STK10: variants seen among roughly 807,000 people sequenced by gnomAD.
STK10 encodes serine/threonine-protein kinase 10.
Under a neutral mutation model 113.8 loss-of-function variants are expected in STK10, and 78 were observed. That is an observed-to-expected ratio of 0.69 (90% CI 0.57 to 0.83). The LOEUF (loss-of-function observed/expected upper bound fraction) is 0.83. Among genes scored for constraint, STK10 ranks in the 40% least tolerant of loss-of-function variants. The pLI is 0.00. For missense variants in STK10, 1,109 were observed against 1,280.1 expected (o/e 0.87, Z 2.04); for synonymous variants, 465 against 494.7 (o/e 0.94, Z 0.80).
Position 172,054,565 on chromosome 5 carries a change from G to C in STK10, c.2652+4C>G, listed in dbSNP as rs777069909. 6 of 1,604,248 alleles carry C rather than the reference G, an allele frequency of 3.7e-6. No homozygotes were observed. The Admixed American group carries it at 1.0e-4, about 27-fold the overall frequency. The stretch of plus-strand genomic sequence containing the variant: ...GGCAGGGGCAGGGGCAGGCAGGGCG[G>C]TACCTGCAGCTGCTGCAGCTCGCTC... On this transcript the variant is annotated splice_donor_region_variant and intron_variant, in intron 17 of 18. Transcript: ENST00000176763.
rs956529332 is a variant in STK10 at position 172,156,634 on chromosome 5, C to T, written c.311G>A (p.Gly104Glu). The T allele has an allele frequency of 6.2e-7, 1 of 1,613,130 alleles. No individual in the cohort carries two copies. ...GGGCGGCAGCCTTACCCACAGCTTC[C>T]CGTCGTGATAGTAGGCTCCCAGGAG... is the stretch of plus-strand genomic sequence containing the variant. ...VKLLGAYYHDGKLWIMIEFCP... is the reference protein window; with the variant it reads ...VKLLGAYYHDEKLWIMIEFCP... The change falls in exon 2 of 19, where the codon GGG (glycine) becomes GAG (glutamate). Residue 104 changes from glycine (G) to glutamate (E), a missense_variant. Gly to Glu is a moderately conservative substitution (Grantham distance 98). Transcript: ENST00000176763.
rs1390833688 is a variant in STK10, at chr5:172,059,899, C to T, written c.2212+1240G>A. Among the ~76,000 whole-genome samples, 5 of 152,290 alleles carry T rather than the reference C, an allele frequency of 3.3e-5. No homozygotes were observed. In the East Asian group the frequency reaches 7.7e-4, roughly 24 times the overall value. ...ACTCCCAACAGCACCAGGGTAGGCC[C>T]GGCTTCCTGATATTGTCATCCAAGG... On this transcript the variant is annotated intron_variant, in intron 14 of 18. Coordinates refer to ENST00000176763, the MANE Select transcript of STK10 (RefSeq NM_005990.4).
chr5:172,130,515 A>G (rs1298459703), intron 2 of STK10, among the ~76,000 whole-genome samples: 2 of 148,602 alleles, frequency 1.3e-5, no homozygotes, highest in East Asian at 2.0e-4. Flanking sequence ...TGGGTGACAG[A>G]GCAAGACTCT....
chr5:172,064,628 G>T, intron 13 of STK10, 92 bp downstream of exon 13: 1 of 1,332,542 alleles, frequency 7.5e-7, no homozygotes. Context: ...TATTTGAGGG[G>T]CAGGGATTGG....
chr5:172,169,699 G>A (rs542124007), intron 1 of STK10, among the ~76,000 whole-genome samples: 1 of 152,114 alleles, frequency 6.6e-6, no homozygotes, highest in Non-Finnish European at 1.5e-5. Context: ...CCCTTGCTGG[G>A]TTCTATGAAC....
chr5:172,069,908 C>T (rs1283280934), intron 12 of STK10, among the ~76,000 whole-genome samples: 7 of 152,092 alleles, frequency 4.6e-5, no homozygotes, highest in Non-Finnish European at 7.4e-5. Flanking sequence ...GACCACATCC[C>T]GGACCATAAA....
chr5:172,103,661 T>G (rs1035580364), intron 7 of STK10, among the ~76,000 whole-genome samples: 10 of 152,126 alleles, frequency 6.6e-5, no homozygotes, highest in African/African-American at 2.2e-4. Context: ...AGAAATTTGC[T>G]TTCAAATACG....
chr5:172,052,902 T>C (rs374179377), intron 18 of STK10, 27 bp downstream of exon 18: 85 of 1,609,752 alleles, frequency 5.3e-5, no homozygotes, highest in Non-Finnish European at 7.0e-5. Context: ...AGCCCGAGAC[T>C]GAGCCCACCA....
intron 3 of STK10, among the ~76,000 whole-genome samples, chr5:172,123,470 G>A (rs73802399): frequency 0.015 from 2,251 of 152,282 alleles, 57 homozygotes; most frequent in African/African-American, 0.052. Flanking sequence ...GAATGAGGTC[G>A]AGGACACAGT....
At chr5:172,145,145 G>A (rs1770058706) in intron 2 of STK10, among the ~76,000 whole-genome samples, 1 of 152,178 alleles carries the variant, frequency 6.6e-6, no homozygotes, top group African/African-American at 2.4e-5. Context: ...TGTGTCTGCA[G>A]GGACATTTTT....
intron 1 of STK10, among the ~76,000 whole-genome samples, chr5:172,185,811 G>A (rs1023822277): frequency 6.6e-6 from 1 of 152,226 alleles, no homozygotes; most frequent in African/African-American, 2.4e-5. Flanking sequence ...GTAAAGAAAA[G>A]ACGTGCTGAG....
intron 15 of STK10, chr5:172,057,127 A>G (rs1158094668): frequency 1.8e-6 from 1 of 562,018 alleles, no homozygotes; most frequent in Non-Finnish European, 3.1e-6. Flanking sequence ...CACTTGGGCC[A>G]TTGGCTTCCC....
intron 1 of STK10, among the ~76,000 whole-genome samples, chr5:172,162,260 G>T (rs1043361345): frequency 3.4e-4 from 51 of 152,062 alleles, no homozygotes; most frequent in African/African-American, 1.2e-3. Flanking sequence ...AGAATTGCTT[G>T]AACCCGGAAG....
At chr5:172,174,785 G>A (rs775300268) in intron 1 of STK10, among the ~76,000 whole-genome samples, 3 of 152,108 alleles carry the variant, frequency 2.0e-5, no homozygotes, top group East Asian at 1.9e-4. Context: ...CAGGGGACCC[G>A]CCAGCGCAAT....
At chr5:172,144,323 G>GC (rs538501152) in intron 2 of STK10, among the ~76,000 whole-genome samples, 110 of 152,318 alleles carry the variant, frequency 7.2e-4, no homozygotes, top group African/African-American at 2.5e-3. Context: ...ATGACCATCA[G>GC]CCCCCCAGGC....
chr5:172,083,446 G>A (rs1676824084), intron 10 of STK10, among the ~76,000 whole-genome samples: 1 of 152,168 alleles, frequency 6.6e-6, no homozygotes, highest in African/African-American at 2.4e-5. Flanking sequence ...ACATAATGCA[G>A]AAAATTTGAT....
intron 8 of STK10, among the ~76,000 whole-genome samples, chr5:172,094,916 A>T (rs1346293654): frequency 6.6e-6 from 1 of 152,228 alleles, no homozygotes; most frequent in Non-Finnish European, 1.5e-5. Flanking sequence ...AAGGTGAAAC[A>T]GAACATTCTT....
At chr5:172,049,469 G>A (rs1275052407) in intron 18 of STK10, among the ~76,000 whole-genome samples, 2 of 152,132 alleles carry the variant, frequency 1.3e-5, no homozygotes, top group South Asian at 2.1e-4. Flanking sequence ...GGGAACGAGG[G>A]AAGCGCATAT....
intron 2 of STK10, among the ~76,000 whole-genome samples, chr5:172,134,890 C>T (rs376178799): frequency 6.0e-5 from 9 of 149,910 alleles, no homozygotes; most frequent in South Asian, 2.1e-4. Context: ...TGACACTGCA[C>T]GCCAGCCTGG....
Sources: allele counts gnomAD v4.1 joint callset (sites outside exome capture counted in the v4.1 genomes callset), GRCh38; gene constraint gnomAD v4.1.1; transcripts MANE v1.5; gene names NCBI Gene and HGNC (gene_info 2026-07-23, HGNC 2026-07-21).